Variants in RHBDL2 observed in about 807,000 individuals in gnomAD.
RHBDL2 encodes rhomboid like 2.
A neutral mutation model predicts 31.7 loss-of-function variants in RHBDL2; 26 were observed. The ratio of observed to expected loss-of-function variants is 0.82; its 90% confidence interval spans 0.60 to 1.14. The LOEUF (loss-of-function observed/expected upper bound fraction) is 1.14. Ranked by LOEUF, RHBDL2 falls within the 50% of genes most tolerant of loss-of-function variation. The pLI, the probability that RHBDL2 is intolerant of heterozygous loss-of-function variation, is 0.00. For synonymous variants in RHBDL2, 123 were observed against 127.2 expected, an observed-to-expected ratio of 0.97 and a Z score of 0.22; for missense variants, 336 against 364.4, an observed-to-expected ratio of 0.92 and a Z score of 0.63.
At chr1:38,936,518 A>ATTG (rs1643513899) in intron 1 of RHBDL2, among the ~76,000 whole-genome samples, 3 of 143,638 alleles carry the variant, frequency 2.1e-5, no homozygotes, top group African/African-American at 7.8e-5. Flanking sequence ...TTTTTTTTTC[A>ATTG]AGATGGAGTT....
At chr1:38,928,279 T>C (rs574277413) in intron 1 of RHBDL2, among the ~76,000 whole-genome samples, 383 of 151,850 alleles carry the variant, frequency 2.5e-3, no homozygotes, top group Admixed American at 4.1e-3. Flanking sequence ...GTAGCTGGGA[T>C]TACAGGTGCC....
chr1:38,921,441 A>G (rs1194679124), intron 1 of RHBDL2, among the ~76,000 whole-genome samples: 1 of 152,116 alleles, frequency 6.6e-6, no homozygotes, highest in African/African-American at 2.4e-5. Context: ...ATTAGTTGTT[A>G]TTGGCTGTGG....
chr1:38,916,887 C>A, intron 2 of RHBDL2, among the ~76,000 whole-genome samples: 1 of 134,796 alleles, frequency 7.4e-6, no homozygotes. Context: ...AAAAAAAATA[C>A]TATGGAAATG....
chr1:38,911,513 T>A, intron 3 of RHBDL2, 79 bp from the exon 4 acceptor site: 1 of 929,896 alleles, frequency 1.1e-6, no homozygotes, highest in Non-Finnish European at 1.7e-6. Context: ...CAGACTTTCA[T>A]GTGTTTTCTC....
At chr1:38,918,253 T>C (rs1643264554) in intron 2 of RHBDL2, among the ~76,000 whole-genome samples, 1 of 152,148 alleles carries the variant, frequency 6.6e-6, no homozygotes, top group Non-Finnish European at 1.5e-5. Context: ...AGTGCATCAG[T>C]GGGAACTAAA....
intron 4 of RHBDL2, among the ~76,000 whole-genome samples, chr1:38,907,238 G>A (rs1401704853): frequency 1.3e-5 from 2 of 152,182 alleles, no homozygotes; most frequent in African/African-American, 2.4e-5. Context: ...CTCAAAATGG[G>A]TTGCATATTT....
At chr1:38,912,499 G>A (rs1643164098) in intron 3 of RHBDL2, among the ~76,000 whole-genome samples, 1 of 151,726 alleles carries the variant, frequency 6.6e-6, no homozygotes, top group African/African-American at 2.4e-5. Context: ...CATCTCCTGG[G>A]CCTGAGGATT....
intron 1 of RHBDL2, among the ~76,000 whole-genome samples, chr1:38,923,529 G>A (rs1020008955): frequency 2.6e-5 from 4 of 152,054 alleles, no homozygotes; most frequent in Admixed American, 6.6e-5. Flanking sequence ...TCCTTCCTTG[G>A]GCATGGCCTG....
chr1:38,889,354 G>A (rs1340951343), intron 6 of RHBDL2, among the ~76,000 whole-genome samples: 3 of 152,056 alleles, frequency 2.0e-5, no homozygotes, highest in Non-Finnish European at 2.9e-5. Context: ...CACCCACCTC[G>A]ACCTCCCAAA....
At chr1:38,931,750 T>A (rs1643441794) in intron 1 of RHBDL2, among the ~76,000 whole-genome samples, 1 of 151,832 alleles carries the variant, frequency 6.6e-6, no homozygotes, top group Admixed American at 6.6e-5. Flanking sequence ...CTCCAGTCCC[T>A]CTCTATTCAC....
chr1:38,907,862 C>T (rs1643088294), intron 4 of RHBDL2, among the ~76,000 whole-genome samples: 1 of 152,060 alleles, frequency 6.6e-6, no homozygotes, highest in African/African-American at 2.4e-5. Flanking sequence ...CCAAAAGTAC[C>T]ATTCATAAAT....
intron 3 of RHBDL2, among the ~76,000 whole-genome samples, chr1:38,912,948 G>GTGTATA: frequency 9.4e-6 from 1 of 106,630 alleles, no homozygotes; most frequent in African/African-American, 4.2e-5. Flanking sequence ...GTGTGTGTGT[G>GTGTATA]TATTTACATA....
At chr1:38,929,082 A>C (rs775753903) in intron 1 of RHBDL2, among the ~76,000 whole-genome samples, 38 of 151,856 alleles carry the variant, frequency 2.5e-4, no homozygotes, top group Non-Finnish European at 3.8e-4. Flanking sequence ...CAAAACCTAA[A>C]TAAATAAAAA....
At chr1:38,926,283 A>G (rs1308108744) in intron 1 of RHBDL2, 1 of 908,276 alleles carries the variant, frequency 1.1e-6, no homozygotes, top group African/African-American at 1.8e-5. Flanking sequence ...CATGGCATCC[A>G]GCATCCAACG....
chr1:38,897,613 G>T (rs535020055), intron 4 of RHBDL2, among the ~76,000 whole-genome samples: 18 of 152,126 alleles, frequency 1.2e-4, no homozygotes, highest in Admixed American at 3.9e-4. Context: ...TACTCAAGAG[G>T]CTGAGCCAAT....
Position 38,886,580 on chromosome 1 carries a change from C to G in RHBDL2, c.836G>C (p.Trp279Ser). The G allele has an allele frequency of 1.9e-6, 3 of 1,606,938 alleles. No individual in the cohort carries two copies. Among genetic ancestry groups the G allele is most frequent in the Middle Eastern group, 1.7e-4 (1 of 6,036 alleles). The change falls in exon 8 of 8, where the codon TGG becomes TCG. Residue 279 changes from tryptophan (W) to serine (S), a missense_variant. Transcript: ENST00000372990. ...DKALLKDPRF[W>S]IAIAAYLACV... ...AGCTAAATATGCAGCAATTGCTATCCAAAACCTTGGATCTTTCAGCAGTGC... is the reference window on the plus strand; with the variant it reads ...AGCTAAATATGCAGCAATTGCTATCGAAAACCTTGGATCTTTCAGCAGTGC...
intron 1 of RHBDL2, among the ~76,000 whole-genome samples, chr1:38,925,492 G>A (rs1462936242): frequency 6.6e-6 from 1 of 151,666 alleles, no homozygotes; most frequent in Non-Finnish European, 1.5e-5. Context: ...ATTCCAGCCT[G>A]GGCGACAGAG....
intron 3 of RHBDL2, among the ~76,000 whole-genome samples, chr1:38,912,910 A>ATATATATATATATATGTGTGTG (rs1399583863): frequency 2.4e-5 from 1 of 41,372 alleles, no homozygotes; most frequent in African/African-American, 9.2e-5. Context: ...ATATATATAT[A>ATATATATATATATATGTGTGTG]TGTGTGTGTG....
At chr1:38,912,910 A>ATGTG (rs869081947) in intron 3 of RHBDL2, among the ~76,000 whole-genome samples, 26 of 41,356 alleles carry the variant, frequency 6.3e-4, no homozygotes, top group East Asian at 2.4e-3. Flanking sequence ...ATATATATAT[A>ATGTG]TGTGTGTGTG....
Sources: allele counts gnomAD v4.1 joint callset (sites outside exome capture counted in the v4.1 genomes callset), GRCh38; gene constraint gnomAD v4.1.1; transcripts MANE v1.5; gene names NCBI Gene and HGNC (gene_info 2026-07-23, HGNC 2026-07-21).